CD99L2: variants seen among roughly 807,000 people sequenced by gnomAD.
CD99L2 encodes CD99 molecule like 2.
CD99L2 carries 24 observed loss-of-function variants against 27.3 expected under a neutral mutation model. That is an observed-to-expected ratio of 0.88 (90% CI 0.64 to 1.24). The LOEUF (loss-of-function observed/expected upper bound fraction) is 1.24, where lower values mean the gene tolerates loss of function less well. Ranked by LOEUF, CD99L2 falls within the 50% of genes most tolerant of loss-of-function variation. The pLI, the probability that CD99L2 is intolerant of heterozygous loss-of-function variation, is 0.00. For synonymous variants in CD99L2, 97 were observed against 87.9 expected, an observed-to-expected ratio of 1.10 and a Z score of -0.58; for missense variants, 255 against 221.6, an observed-to-expected ratio of 1.15 and a Z score of -0.96.
intron 1 of CD99L2, among the ~76,000 whole-genome samples, chrX:150,863,174 T>C (rs1226568056): frequency 8.9e-6 from 1 of 112,141 alleles, no homozygotes; most frequent in African/African-American, 3.2e-5. Flanking sequence ...ACCATGGTTC[T>C]GTTCTTATTG....
intron 9 of CD99L2, 33 bp downstream of exon 9, chrX:150,776,141 G>A (rs1164231924): frequency 2.5e-6 from 3 of 1,203,304 alleles, no homozygotes; most frequent in African/African-American, 1.8e-5. Flanking sequence ...CTTGCCAGCT[G>A]GTTCCTAGCC....
chrX:150,779,385 C>T (rs782044489), intron 7 of CD99L2, among the ~76,000 whole-genome samples: 1 of 110,225 alleles, frequency 9.1e-6, no homozygotes, highest in Non-Finnish European at 1.9e-5. Context: ...AAAAGTGATC[C>T]CATCCTGTGG....
At chrX:150,793,790 GAA>G in intron 6 of CD99L2, 34 bp from the exon 7 acceptor site, 1 of 1,085,408 alleles carries the variant, frequency 9.2e-7, no homozygotes. Context: ...TCAACAACAA[GAA>G]AAAAAAATCA....
chrX:150,783,147 G>T (rs2124066002), intron 7 of CD99L2, among the ~76,000 whole-genome samples: 1 of 100,638 alleles, frequency 9.9e-6, no homozygotes, highest in East Asian at 3.2e-4. Flanking sequence ...CCTGTCGGGG[G>T]GTAGGGGGGT....
At chrX:150,824,558 AAAG>A (rs1450449993) in intron 2 of CD99L2, among the ~76,000 whole-genome samples, 1 of 84,360 alleles carries the variant, frequency 1.2e-5, no homozygotes, top group Middle Eastern at 6.9e-3. Context: ...GAAGAAGAAG[AAAG>A]AAGGAGGAGG....
intron 1 of CD99L2, among the ~76,000 whole-genome samples, chrX:150,874,559 G>GGGGGGC (rs782237666): frequency 1.8e-5 from 2 of 108,475 alleles, no homozygotes; most frequent in Non-Finnish European, 3.9e-5. Flanking sequence ...TCCACCAAAT[G>GGGGGGC]GGGGGCGGGG....
intron 1 of CD99L2, among the ~76,000 whole-genome samples, chrX:150,843,321 C>T (rs1475921325): frequency 8.9e-6 from 1 of 112,016 alleles, no homozygotes; most frequent in African/African-American, 3.2e-5. Flanking sequence ...TGAATACTCA[C>T]CTAAACTGCA....
chrX:150,768,874 A>G lies in CD99L2; in HGVS notation c.*160T>C, dbSNP rs1271207168. ...AGCACGCTTGGGGCAGGGCAGAGAAACCAAACTCACAAACACCCAGAGCTC... is the reference window on the plus strand; with the variant it reads ...AGCACGCTTGGGGCAGGGCAGAGAAGCCAAACTCACAAACACCCAGAGCTC... On this transcript the variant is annotated 3_prime_UTR_variant, in exon 11 of 11. Transcript: ENST00000370377. 2.9e-6 allele frequency: 3 copies of G among 1,029,238 alleles called. No individual in the cohort carries two copies. The highest frequency in any genetic ancestry group is 2.0e-5 in the African/African-American group (1 of 50,127). The allele number at this position is 1,029,238 out of a possible 1,213,427, so 84.8% of individuals were successfully genotyped here.
chrX:150,824,524 AAAGAAGAAGAAAGAAGGAAGAAGG>A (rs1285510480), intron 2 of CD99L2, among the ~76,000 whole-genome samples: 3 of 96,636 alleles, frequency 3.1e-5, no homozygotes, highest in Admixed American at 1.1e-4. Context: ...AAGGAAGAAG[AAAGAAGAAGAAAGAAGGAAGAAGG>A]AAGAAGAAGA....
At chrX:150,826,427 G>A (rs934781397) in intron 2 of CD99L2, among the ~76,000 whole-genome samples, 1 of 111,201 alleles carries the variant, frequency 9.0e-6, no homozygotes, top group African/African-American at 3.3e-5. Flanking sequence ...GAGTGGTGGA[G>A]GACTCTGAAA....
chrX:150,889,741 G>A (rs1253697253), intron 1 of CD99L2, among the ~76,000 whole-genome samples: 1 of 112,831 alleles, frequency 8.9e-6, no homozygotes, highest in Admixed American at 9.3e-5. Context: ...GCAGCAGAAC[G>A]TTCTGACATC....
chrX:150,826,393 C>G (rs782654603), intron 2 of CD99L2, among the ~76,000 whole-genome samples: 226 of 111,498 alleles, frequency 2.0e-3, no homozygotes, highest in Non-Finnish European at 3.1e-3. Flanking sequence ...ATTACACACA[C>G]AGAGAGAAAG....
chrX:150,784,694 C>G (rs998258741), intron 7 of CD99L2, among the ~76,000 whole-genome samples: 2 of 112,779 alleles, frequency 1.8e-5, no homozygotes, highest in African/African-American at 6.4e-5. Context: ...AAGTATCACT[C>G]TAGCCTTCAC....
chrX:150,784,435 C>T (rs782449297), intron 7 of CD99L2, among the ~76,000 whole-genome samples: 9 of 111,620 alleles, frequency 8.1e-5, no homozygotes, highest in African/African-American at 2.6e-4. Flanking sequence ...ACAGAAGCTA[C>T]GTGTTACTTC....
At chrX:150,854,805 A>G (rs1327566748) in intron 1 of CD99L2, among the ~76,000 whole-genome samples, 3 of 111,296 alleles carry the variant, frequency 2.7e-5, no homozygotes, top group Non-Finnish European at 5.7e-5. Flanking sequence ...ATGAGATTAT[A>G]CATACCTGCT....
intron 1 of CD99L2, among the ~76,000 whole-genome samples, chrX:150,852,272 C>T (rs2124296662): frequency 9.0e-6 from 1 of 111,086 alleles, no homozygotes; most frequent in South Asian, 3.8e-4. Flanking sequence ...AGTTGGGGAG[C>T]TGTGGTTGTT....
At chrX:150,829,160 C>T (rs139461046) in intron 2 of CD99L2, 1,841 of 126,200 alleles carry the variant, frequency 0.015, 12 homozygotes, top group South Asian at 0.053. Flanking sequence ...GTGCTTAAAA[C>T]GAATAAGGGA....
intron 1 of CD99L2, among the ~76,000 whole-genome samples, chrX:150,886,207 GA>G (rs1198489007): frequency 4.5e-5 from 5 of 112,239 alleles, no homozygotes; most frequent in Non-Finnish European, 9.4e-5. Context: ...AGTGACTCGT[GA>G]ACAATACTGA....
At chrX:150,872,661 TA>T (rs149785048) in intron 1 of CD99L2, among the ~76,000 whole-genome samples, 9,991 of 95,368 alleles carry the variant, frequency 0.1, 487 homozygotes, top group Middle Eastern at 0.19. Context: ...AAGGAGCAGT[TA>T]AAAAAAAAAA....
Sources: allele counts gnomAD v4.1 joint callset (sites outside exome capture counted in the v4.1 genomes callset), GRCh38; gene constraint gnomAD v4.1.1; transcripts MANE v1.5; gene names NCBI Gene and HGNC (gene_info 2026-07-23, HGNC 2026-07-21).